The following HHAT variants were observed in gnomAD, a reference collection of about 807,000 sequenced individuals.
The protein encoded by HHAT is protein-cysteine N-palmitoyltransferase HHAT.
A neutral mutation model predicts 70.8 loss-of-function variants in HHAT; 47 were observed. The observed-to-expected ratio is 0.66, with a 90% CI of 0.53 to 0.85. The LOEUF (loss-of-function observed/expected upper bound fraction) is 0.85. Among genes scored for constraint, HHAT ranks in the 40% least tolerant of loss-of-function variants. The pLI is 0.00. For missense variants in HHAT, 609 were observed against 604.8 expected, an observed-to-expected ratio of 1.01 and a Z score of -0.07; for synonymous variants, 228 against 247.6, an observed-to-expected ratio of 0.92 and a Z score of 0.74.
intron 3 of HHAT, among the ~76,000 whole-genome samples, chr1:210,370,402 T>C (rs919653312): frequency 1.3e-5 from 2 of 151,882 alleles, no homozygotes; most frequent in Non-Finnish European, 2.9e-5. Context: ...CTTGAACTCC[T>C]GACCTCATGA....
intron 9 of HHAT, among the ~76,000 whole-genome samples, chr1:210,520,731 G>A (rs187607094): frequency 2.4e-3 from 371 of 152,156 alleles, no homozygotes; most frequent in Non-Finnish European, 4.7e-3. Flanking sequence ...AATCAGAAAA[G>A]TATTCACCTG....
In HHAT at chr1:210,520,457, G is replaced by A. The variant is rs75001852; in HGVS notation, c.1043+7269G>A. Among the ~76,000 whole-genome samples, 16 of 150,490 alleles carry A rather than the reference G, an allele frequency of 1.1e-4. No homozygotes were observed. In the South Asian group the frequency reaches 1.5e-3, roughly 14 times the overall value. On this transcript the variant is annotated intron_variant, in intron 9 of 11. Coordinates refer to ENST00000261458, the MANE Select transcript of HHAT (RefSeq NM_018194.6). ...TCCTTTTTTCCTCTCACTTTTTTTC[G>A]CTCTGGTTTGGTGGTTTTCTGTGTT... is the stretch of plus-strand genomic sequence containing the variant.
intron 9 of HHAT, among the ~76,000 whole-genome samples, chr1:210,555,261 G>A (rs1235666185): frequency 3.9e-5 from 6 of 152,284 alleles, no homozygotes; most frequent in South Asian, 4.1e-4. Context: ...TCTGCTGCCC[G>A]TAGTTCTACT....
chr1:210,644,215 C>T (rs1673557987), intron 11 of HHAT, among the ~76,000 whole-genome samples: 2 of 152,216 alleles, frequency 1.3e-5, no homozygotes, highest in Admixed American at 6.5e-5. Context: ...GACCAATGCT[C>T]ATTTCAAGAG....
intron 4 of HHAT, 86 bp from the exon 5 acceptor site, chr1:210,400,382 A>G: frequency 8.1e-7 from 1 of 1,228,664 alleles, no homozygotes; most frequent in East Asian, 2.5e-5. Context: ...AACCTTCAAT[A>G]TCACTTCCAT....
chr1:210,561,873 G>T (rs184232035), intron 9 of HHAT, among the ~76,000 whole-genome samples: 3 of 152,160 alleles, frequency 2.0e-5, no homozygotes, highest in African/African-American at 7.2e-5. Context: ...TGAAGGTGGG[G>T]ACTGTGTCTC....
chr1:210,529,803 C>T (rs753894014), intron 9 of HHAT, among the ~76,000 whole-genome samples: 5 of 152,170 alleles, frequency 3.3e-5, no homozygotes, highest in African/African-American at 7.2e-5. Flanking sequence ...TCACCAGAAG[C>T]GGAGTGAACT....
Position 210,640,299 on chromosome 1 carries a change from T to A in HHAT, c.1390+16629T>A, listed in dbSNP as rs187084099. On this transcript the variant is annotated intron_variant, in intron 11 of 11. Transcript: ENST00000261458. ...AGTGTCTGGGGTTAGAAACATACTG[T>A]TTGATATTAGATTTTTGCCCTTCTT... Among the ~76,000 whole-genome samples, 4 of 152,258 alleles carry A rather than the reference T, an allele frequency of 2.6e-5. No individual in the cohort carries two copies. In the East Asian group the frequency reaches 7.7e-4, roughly 29 times the overall value.
chr1:210,583,563 C>G (rs964160187), intron 9 of HHAT, among the ~76,000 whole-genome samples: 1 of 152,088 alleles, frequency 6.6e-6, no homozygotes, highest in East Asian at 1.9e-4. Context: ...AAGAAAATAA[C>G]CTGTTTGCTC....
chr1:210,361,635 G>C (rs1486562568), intron 2 of HHAT, among the ~76,000 whole-genome samples: 1 of 151,796 alleles, frequency 6.6e-6, no homozygotes, highest in Non-Finnish European at 1.5e-5. Flanking sequence ...ACTCTCTCCT[G>C]GGTTTCCTTC....
At position 210,349,720 on chromosome 1, in the gene HHAT, G is replaced by A. The variant is rs972461168; in HGVS notation, c.91+654G>A. Among the ~76,000 whole-genome samples, 6 of 148,604 alleles carry A rather than the reference G, an allele frequency of 4.0e-5. No individual in the cohort carries two copies. In the South Asian group the frequency reaches 8.5e-4, roughly 21 times the overall value. ...CAGGCTAGAGCAATGGTACCATCTC[G>A]GCTCACTGCAACCTCTGCCTTCTGG... On this transcript the variant is annotated intron_variant, in intron 2 of 11. Transcript: ENST00000261458.
intron 9 of HHAT, among the ~76,000 whole-genome samples, chr1:210,538,490 G>A: frequency 6.6e-6 from 1 of 152,082 alleles, no homozygotes; most frequent in Admixed American, 6.5e-5. Context: ...GAAGAAAAAT[G>A]GAGTTAAGGG....
Position 210,365,797 on chromosome 1 carries a change from A to G in HHAT, c.159+2878A>G, listed in dbSNP as rs533614141. ...CGCCTGGCCAATTTTTGTATTTTTA[A>G]TAGAGATGGGGTTTCACCACGTTGG... On this transcript the variant is annotated intron_variant, in intron 3 of 11. Transcript: ENST00000261458. Among the ~76,000 whole-genome samples the G allele has an allele frequency of 1.1e-4, 16 of 149,112 alleles. No individual in the cohort carries two copies. In the East Asian group the frequency reaches 2.8e-3, roughly 26 times the overall value.
chr1:210,346,522 A>G (rs2086541324), intron 1 of HHAT, among the ~76,000 whole-genome samples: 1 of 152,232 alleles, frequency 6.6e-6, no homozygotes, highest in Admixed American at 6.5e-5. Context: ...AAGGAACTTG[A>G]GAAAGTGTTG....
intron 3 of HHAT, among the ~76,000 whole-genome samples, chr1:210,373,968 T>C (rs1456793941): frequency 4.6e-5 from 7 of 152,154 alleles, no homozygotes. Context: ...AAGTCAGATG[T>C]CACCAGGGAA....
At chr1:210,549,124 T>TGCTTTCCCCCTTCATTATTCAAGATAA (rs1553266974) in intron 9 of HHAT, among the ~76,000 whole-genome samples, 1 of 150,664 alleles carries the variant, frequency 6.6e-6, no homozygotes, top group African/African-American at 2.4e-5. Context: ...AAAATTGGGA[T>TGCTTTCCCCCTTCATTATTCAAGATAA]AATAACGGCA....
intron 7 of HHAT, among the ~76,000 whole-genome samples, chr1:210,429,519 G>A (rs1344821735): frequency 2.0e-5 from 3 of 151,618 alleles, no homozygotes; most frequent in African/African-American, 7.3e-5. Flanking sequence ...TCTTAAATTT[G>A]TTCTTCTATC....
intron 2 of HHAT, among the ~76,000 whole-genome samples, chr1:210,349,682 C>A (rs893921498): frequency 7.4e-6 from 1 of 134,274 alleles, no homozygotes; most frequent in Admixed American, 8.3e-5. Flanking sequence ...GACCTAGTTT[C>A]GCTCTTGTCG....
rs189171204 is a variant in HHAT at position 210,469,855 on chromosome 1, G to A, written c.1007+5200G>A. Reference sequence around the variant, plus strand: ...AGCCAATTTTTTTTTTTAAAGTTCTGGGATACATGTGCTGAATGTGCAGGT... The same window carrying A: ...AGCCAATTTTTTTTTTTAAAGTTCTAGGATACATGTGCTGAATGTGCAGGT... On this transcript the variant is annotated intron_variant, in intron 8 of 11. Coordinates refer to ENST00000261458, the MANE Select transcript of HHAT (RefSeq NM_018194.6). Among the ~76,000 whole-genome samples the A allele has an allele frequency of 8.3e-4, 126 of 151,936 alleles. 1 individual carries two copies. Among genetic ancestry groups the A allele is most frequent in the African/African-American group, 2.9e-3 (121 of 41,440 alleles).
Sources: gnomAD v4.1 joint callset for allele counts (sites outside exome capture counted in the v4.1 genomes callset) on GRCh38, gnomAD v4.1.1 for gene constraint, MANE v1.5 for transcripts, NCBI Gene and HGNC (gene_info 2026-07-23, HGNC 2026-07-21) for gene names.